Variants in NRXN3 observed in about 807,000 individuals in gnomAD.
The protein encoded by NRXN3 is neurexin III.
NRXN3 carries 32 observed loss-of-function variants against 137.6 expected under a neutral mutation model. That is an observed-to-expected ratio of 0.23 (90% confidence interval 0.18 to 0.31). NRXN3 has a LOEUF of 0.31. Among genes scored for constraint, NRXN3 ranks in the 10% least tolerant of loss-of-function variants. The probability of loss-of-function intolerance (pLI) is 1.00; values close to 1 mark genes in which losing one functional copy is unlikely to be tolerated. For synonymous variants in NRXN3, 798 were observed against 784.5 expected, an observed-to-expected ratio of 1.02 and a Z score of -0.29; for missense variants, 1,574 against 2,062.5, an observed-to-expected ratio of 0.76 and a Z score of 4.59.
chr14:78,979,560 G>C (rs1222200786), intron 14 of NRXN3, among the ~76,000 whole-genome samples: 1 of 152,014 alleles, frequency 6.6e-6, no homozygotes, highest in African/African-American at 2.4e-5. Context: ...TGTGAAAGTA[G>C]AAAGATTAGG....
intron 4 of NRXN3, among the ~76,000 whole-genome samples, chr14:78,357,452 A>T (rs1427585894): frequency 1.3e-5 from 2 of 152,204 alleles, no homozygotes; most frequent in African/African-American, 4.8e-5. Context: ...ACACAGAGCC[A>T]TATCATATCA....
At chr14:79,200,654 G>T (rs2065847324) in intron 15 of NRXN3, among the ~76,000 whole-genome samples, 2 of 152,060 alleles carry the variant, frequency 1.3e-5, no homozygotes, top group Admixed American at 1.3e-4. Flanking sequence ...AATAAAAATA[G>T]AAAAACAGGT....
At chr14:78,710,271 A>C (rs533736197) in intron 7 of NRXN3, among the ~76,000 whole-genome samples, 1 of 151,700 alleles carries the variant, frequency 6.6e-6, no homozygotes, top group Non-Finnish European at 1.5e-5. Flanking sequence ...TCCTCTTCAT[A>C]ACCTTTTACA....
At chr14:79,830,981 T>G (rs1013406436) in intron 20 of NRXN3, among the ~76,000 whole-genome samples, 3 of 152,178 alleles carry the variant, frequency 2.0e-5, no homozygotes, top group Non-Finnish European at 2.9e-5. Flanking sequence ...TGACAAGTAT[T>G]AAGTTGACAG....
In NRXN3 at chr14:79,718,209, G is replaced by A. The variant is rs138884367; in HGVS notation, c.4014+20272G>A. 1.9e-3 allele frequency among the ~76,000 whole-genome samples: 286 copies of A among 152,274 alleles called. 1 individual carries two copies. Among genetic ancestry groups the A allele is most frequent in the African/African-American group, 6.5e-3 (271 of 41,552 alleles). ...GAGATTGGAATGATAAAACATGTCA[G>A]GTCTGTGAAGTCTGGGGGAAGAACA... On this transcript the variant is annotated intron_variant, in intron 19 of 20. Transcript: ENST00000335750.
At chr14:79,163,556 G>T (rs1026258100) in intron 15 of NRXN3, among the ~76,000 whole-genome samples, 1 of 151,814 alleles carries the variant, frequency 6.6e-6, no homozygotes, top group African/African-American at 2.4e-5. Flanking sequence ...TCCAGTCATG[G>T]CCTGACAAGT....
At chr14:79,745,045 A>G (rs2098975304) in intron 19 of NRXN3, among the ~76,000 whole-genome samples, 1 of 152,132 alleles carries the variant, frequency 6.6e-6, no homozygotes, top group African/African-American at 2.4e-5. Flanking sequence ...AGCAGGTAGA[A>G]AGGCACATTG....
chr14:79,007,504 C>T (rs1194778246), intron 15 of NRXN3, among the ~76,000 whole-genome samples: 1 of 147,880 alleles, frequency 6.8e-6, no homozygotes, highest in African/African-American at 2.5e-5. Context: ...ACCAAACAAA[C>T]AAACAAAAAA....
intron 15 of NRXN3, among the ~76,000 whole-genome samples, chr14:79,040,644 T>A (rs12882205): frequency 0.027 from 4,087 of 152,204 alleles, 76 homozygotes; most frequent in Non-Finnish European, 0.038. Context: ...AGTGAAAGTT[T>A]AATAAGTGAA....
chr14:78,825,184 G>A (rs1458056065), intron 10 of NRXN3, among the ~76,000 whole-genome samples: 4 of 124,568 alleles, frequency 3.2e-5, no homozygotes, highest in South Asian at 2.7e-4. Flanking sequence ...GTGACAGAGC[G>A]AGACTCTGCC....
chr14:78,316,742 C>T (rs1302814721), intron 4 of NRXN3, among the ~76,000 whole-genome samples: 1 of 152,170 alleles, frequency 6.6e-6, no homozygotes, highest in African/African-American at 2.4e-5. Context: ...GGCTCAGTTT[C>T]TAAAAAGTCC....
chr14:78,314,439 C>T (rs942131535), intron 4 of NRXN3, among the ~76,000 whole-genome samples: 1 of 152,144 alleles, frequency 6.6e-6, no homozygotes, highest in Non-Finnish European at 1.5e-5. Flanking sequence ...ATTCAGGCAC[C>T]AAGACACCTT....
chr14:79,199,735 T>C (rs1316644025), intron 15 of NRXN3, among the ~76,000 whole-genome samples: 1 of 152,144 alleles, frequency 6.6e-6, no homozygotes, highest in Non-Finnish European at 1.5e-5. Flanking sequence ...CTGAATAAGA[T>C]TCAAACAGAC....
At chr14:79,292,148 T>G (rs1488995551) in intron 15 of NRXN3, among the ~76,000 whole-genome samples, 1 of 152,206 alleles carries the variant, frequency 6.6e-6, no homozygotes, top group Non-Finnish European at 1.5e-5. Context: ...TCCCGGATAC[T>G]GAAAGCAACT....
At chr14:79,525,429 G>T (rs79911837) in intron 16 of NRXN3, among the ~76,000 whole-genome samples, 1 of 137,372 alleles carries the variant, frequency 7.3e-6, no homozygotes, top group Non-Finnish European at 1.6e-5. Flanking sequence ...CCTGCAATCC[G>T]TATGTCATTT....
intron 15 of NRXN3, among the ~76,000 whole-genome samples, chr14:79,028,521 A>C (rs779565423): frequency 1.3e-5 from 2 of 152,182 alleles, no homozygotes; most frequent in Non-Finnish European, 2.9e-5. Flanking sequence ...CTTTTTAGGC[A>C]GTTCCTCTGT....
chr14:79,776,026 A>T (rs994869182), intron 19 of NRXN3, among the ~76,000 whole-genome samples: 5 of 152,146 alleles, frequency 3.3e-5, no homozygotes, highest in African/African-American at 1.2e-4. Flanking sequence ...TGATGGGATG[A>T]GTGTGAGTGG....
chr14:79,523,285 A>T (rs750449987), intron 16 of NRXN3, among the ~76,000 whole-genome samples: 21 of 152,290 alleles, frequency 1.4e-4, no homozygotes, highest in Admixed American at 1.2e-3. Context: ...GTTGCATCCT[A>T]ACAGATAAGA....
At chr14:78,603,859 A>G (rs1281504176) in intron 4 of NRXN3, among the ~76,000 whole-genome samples, 1 of 152,172 alleles carries the variant, frequency 6.6e-6, no homozygotes, top group Non-Finnish European at 1.5e-5. Context: ...ACCGACAGTC[A>G]CAGTTATGAA....
Sources: gnomAD v4.1 joint callset for allele counts (sites outside exome capture counted in the v4.1 genomes callset) on GRCh38, gnomAD v4.1.1 for gene constraint, MANE v1.5 for transcripts, NCBI Gene and HGNC (gene_info 2026-07-23, HGNC 2026-07-21) for gene names.